The following HS6ST3 variants were observed in gnomAD, a reference collection of about 807,000 sequenced individuals.
HS6ST3 encodes the protein heparan sulfate 6-O-sulfotransferase 3.
Under a neutral mutation model 36.7 loss-of-function variants are expected in HS6ST3, and 12 were observed. The observed-to-expected ratio is 0.33, with a 90% CI of 0.21 to 0.53. The LOEUF is 0.53. Among genes scored for constraint, HS6ST3 ranks in the 20% least tolerant of loss-of-function variants. The pLI is 0.95. For missense variants in HS6ST3, 584 were observed against 640.9 expected (o/e 0.91, Z 0.96); for synonymous variants, 240 against 257.5 (o/e 0.93, Z 0.65).
chr13:96,585,970 A>G (rs1456148805), intron 1 of HS6ST3, among the ~76,000 whole-genome samples: 1 of 152,216 alleles, frequency 6.6e-6, no homozygotes, highest in Non-Finnish European at 1.5e-5. Context: ...TTCCTGAATC[A>G]TATGGTAATT....
At chr13:96,350,996 C>G (rs1476805987) in intron 1 of HS6ST3, among the ~76,000 whole-genome samples, 2 of 152,058 alleles carry the variant, frequency 1.3e-5, no homozygotes, top group Non-Finnish European at 2.9e-5. Flanking sequence ...ACTTTTTTCC[C>G]TAAGCAATGT....
chr13:96,726,215 C>G (rs1410099443), intron 1 of HS6ST3, among the ~76,000 whole-genome samples: 1 of 152,152 alleles, frequency 6.6e-6, no homozygotes, highest in East Asian at 1.9e-4. Flanking sequence ...TGTTTTAGAT[C>G]TATAGCATTT....
chr13:96,218,633 G>A (rs1326583493), intron 1 of HS6ST3, among the ~76,000 whole-genome samples: 7 of 152,112 alleles, frequency 4.6e-5, no homozygotes, highest in African/African-American at 1.4e-4. Flanking sequence ...GAAACTGCCA[G>A]GAAGACACGT....
At position 96,625,251 on chromosome 13, in the gene HS6ST3, C is replaced by T. The variant is rs554863651; in HGVS notation, c.708-207239C>T. ...CGTGGGAATGTCTTATGCTGATGGG[C>T]AGCAAGGGTAACTAAAGGTTGCTTT... On this transcript the variant is annotated intron_variant, in intron 1 of 1. Coordinates refer to ENST00000376705, the MANE Select transcript of HS6ST3 (RefSeq NM_153456.4). Among the ~76,000 whole-genome samples the T allele has an allele frequency of 3.3e-5, 5 of 152,286 alleles. No individual in the cohort carries two copies. The South Asian group carries it at 8.3e-4, about 25-fold the overall frequency.
intron 1 of HS6ST3, among the ~76,000 whole-genome samples, chr13:96,631,917 G>T (rs1392831583): frequency 6.6e-6 from 1 of 152,178 alleles, no homozygotes; most frequent in African/African-American, 2.4e-5. Context: ...TGTCAAGCCT[G>T]ATGCAGATGT....
At chr13:96,614,399 A>G (rs1475895335) in intron 1 of HS6ST3, among the ~76,000 whole-genome samples, 1 of 151,234 alleles carries the variant, frequency 6.6e-6, no homozygotes, top group East Asian at 2.0e-4. Context: ...GGGAAGGGTC[A>G]CAGGAAAGGT....
At chr13:96,564,198 GT>G (rs1312344094) in intron 1 of HS6ST3, among the ~76,000 whole-genome samples, 3 of 152,104 alleles carry the variant, frequency 2.0e-5, no homozygotes, top group Admixed American at 6.6e-5. Context: ...TGGCTGATGC[GT>G]TTTGTAGAAC....
At chr13:96,800,723 C>T (rs999298711) in intron 1 of HS6ST3, among the ~76,000 whole-genome samples, 5 of 151,972 alleles carry the variant, frequency 3.3e-5, no homozygotes, top group Admixed American at 6.6e-5. Context: ...CGAGATCCTA[C>T]GAATGCCAGA....
intron 1 of HS6ST3, among the ~76,000 whole-genome samples, chr13:96,305,782 C>G (rs1025729187): frequency 6.6e-6 from 1 of 151,018 alleles, no homozygotes; most frequent in Non-Finnish European, 1.5e-5. Flanking sequence ...GGTTCAAGAT[C>G]AATTTGTTAC....
At chr13:96,368,636 A>G (rs1265564150) in intron 1 of HS6ST3, among the ~76,000 whole-genome samples, 2 of 152,160 alleles carry the variant, frequency 1.3e-5, no homozygotes, top group Admixed American at 6.5e-5. Context: ...TTTGTCAGTT[A>G]TATATTTTCT....
intron 1 of HS6ST3, among the ~76,000 whole-genome samples, chr13:96,138,881 GA>G (rs2054015760): frequency 1.3e-5 from 2 of 151,906 alleles, no homozygotes; most frequent in Non-Finnish European, 2.9e-5. Flanking sequence ...AACATGTATA[GA>G]AAAAAATGAA....
chr13:96,594,999 GTTGGTAGCTT>G (rs1209948334), intron 1 of HS6ST3, among the ~76,000 whole-genome samples: 5 of 152,082 alleles, frequency 3.3e-5, no homozygotes, highest in African/African-American at 1.2e-4. Flanking sequence ...AGAATATTTG[GTTGGTAGCTT>G]TTCTTTTTTC....
In HS6ST3 at chr13:96,198,188, T is replaced by C. The variant is rs1228388600; in HGVS notation, c.707+106619T>C. 2.0e-5 allele frequency among the ~76,000 whole-genome samples: 3 copies of C among 152,166 alleles called. No homozygotes were observed. In the East Asian group the frequency reaches 5.8e-4, roughly 29 times the overall value. ...TCCCTTTCAGCATGGCTGGAACGGC[T>C]GGGACACAGGGCACCAAGTGCCTGG... On this transcript the variant is annotated intron_variant, in intron 1 of 1. Coordinates refer to ENST00000376705, the MANE Select transcript of HS6ST3 (RefSeq NM_153456.4).
chr13:96,149,399 T>C (rs1017226033), intron 1 of HS6ST3, among the ~76,000 whole-genome samples: 4 of 152,172 alleles, frequency 2.6e-5, no homozygotes, highest in Non-Finnish European at 5.9e-5. Flanking sequence ...CATTTTTCTT[T>C]ATAGCCACAA....
intron 1 of HS6ST3, among the ~76,000 whole-genome samples, chr13:96,605,290 T>C (rs1337173336): frequency 6.6e-6 from 1 of 152,152 alleles, no homozygotes; most frequent in African/African-American, 2.4e-5. Flanking sequence ...GAGCCTATAA[T>C]ATATATTATT....
intron 1 of HS6ST3, among the ~76,000 whole-genome samples, chr13:96,673,773 C>A (rs995203673): frequency 2.6e-5 from 4 of 152,120 alleles, no homozygotes; most frequent in Non-Finnish European, 4.4e-5. Context: ...ATGTTATTAT[C>A]TAATTTAGTG....
intron 1 of HS6ST3, among the ~76,000 whole-genome samples, chr13:96,734,142 C>T (rs1876224759): frequency 6.6e-6 from 1 of 152,188 alleles, no homozygotes; most frequent in African/African-American, 2.4e-5. Flanking sequence ...AGACCCCAAG[C>T]TCCATGAGGA....
intron 1 of HS6ST3, among the ~76,000 whole-genome samples, chr13:96,764,782 T>C (rs1273631326): frequency 6.6e-6 from 1 of 152,222 alleles, no homozygotes; most frequent in African/African-American, 2.4e-5. Context: ...GGGAAGAATT[T>C]AATTCCACAG....
chr13:96,252,406 C>A (rs548766844), intron 1 of HS6ST3, among the ~76,000 whole-genome samples: 3 of 152,134 alleles, frequency 2.0e-5, no homozygotes, highest in Non-Finnish European at 2.9e-5. Flanking sequence ...TCTCTTCGAC[C>A]TTTTCTATGG....
Sources: allele counts gnomAD v4.1 joint callset (sites outside exome capture counted in the v4.1 genomes callset), GRCh38; gene constraint gnomAD v4.1.1; transcripts MANE v1.5; gene names NCBI Gene and HGNC (gene_info 2026-07-23, HGNC 2026-07-21).